The following KANK1 variants were observed in gnomAD, a reference collection of about 807,000 sequenced individuals.
KANK1 encodes the protein KN motif and ankyrin repeat domain-containing protein 1.
KANK1 carries 109 observed loss-of-function variants against 106.2 expected under a neutral mutation model. That is an observed-to-expected ratio of 1.03 (90% CI 0.88 to 1.20). KANK1 has a LOEUF of 1.20. KANK1 is among the 50% of genes most tolerant of loss of function. The probability of loss-of-function intolerance (pLI) is 0.00; values close to 1 mark genes in which losing one functional copy is unlikely to be tolerated. For missense variants in KANK1, 2,399 were observed against 1,710.7 expected (o/e 1.40, Z -7.10); for synonymous variants, 873 against 652.2 (o/e 1.34, Z -5.16).
rs75545693 is a variant in KANK1, at chr9:698,674, A to G, written c.38-12130A>G. Among the ~76,000 whole-genome samples the G allele has an allele frequency of 9.8e-3, 1,498 of 152,246 alleles. 31 individuals carry two copies. Among genetic ancestry groups the G allele is most frequent in the African/African-American group, 0.034 (1,409 of 41,524 alleles). ...AGATGCAGACAGTGTCAAAGTTCTC[A>G]TTGTGGAATACCACCAGAACTTATC... On this transcript the variant is annotated intron_variant, in intron 2 of 11. Coordinates refer to ENST00000382297, the MANE Select transcript of KANK1 (RefSeq NM_015158.5).
Position 745,291 on chromosome 9 carries a change from G to T in KANK1, c.*56G>T, listed in dbSNP as rs935474235. 1 of 1,604,570 alleles carries T rather than the reference G, an allele frequency of 6.2e-7. No individual in the cohort carries two copies. The highest frequency in any genetic ancestry group is 1.1e-5 in the South Asian group (1 of 90,820). On this transcript the variant is annotated 3_prime_UTR_variant, in exon 12 of 12. Coordinates refer to ENST00000382297, the MANE Select transcript of KANK1 (RefSeq NM_015158.5). ...CACTATTAAGCTGCTAATTGTTCCT[G>T]TTGGGGTGACAGATACTGAATGTAT...
chr9:500,091 G>C (rs1363777509), upstream of KANK1, among the ~76,000 whole-genome samples: 1 of 152,206 alleles, frequency 6.6e-6, no homozygotes, highest in African/African-American at 2.4e-5. Flanking sequence ...AGAAGGAAGG[G>C]TAGAGTGATC....
chr9:623,483 A>G (rs1167060463), intron 1 of KANK1, among the ~76,000 whole-genome samples: 1 of 151,996 alleles, frequency 6.6e-6, no homozygotes, highest in Admixed American at 6.6e-5. Context: ...TCAGTTACCC[A>G]TTAGACTGAG....
At chr9:648,679 G>A (rs951547142) in intron 1 of KANK1, among the ~76,000 whole-genome samples, 1 of 152,164 alleles carries the variant, frequency 6.6e-6, no homozygotes, top group Non-Finnish European at 1.5e-5. Context: ...CGCAGGCCAA[G>A]GGGAGCTCAC....
rs1435915008 is a variant in KANK1, at chr9:732,450, T to C, written c.3078T>C (p.Asp1026=). 1.9e-6 allele frequency: 3 copies of C among 1,614,146 alleles called. No homozygotes were observed. Among genetic ancestry groups the C allele is most frequent in the South Asian group, 1.1e-5 (1 of 91,074 alleles). ...SSSSESDDEC[D]VIEYPLEEEE... Reference sequence around the variant, plus strand: ...CTTCCGAGTCAGATGACGAGTGTGATGTCATTGAGTATCCTCTTGAAGAAG... The same window carrying C: ...CTTCCGAGTCAGATGACGAGTGTGACGTCATTGAGTATCCTCTTGAAGAAG... The change falls in exon 6 of 12, where the codon GAT becomes GAC. Residue 1026 remains aspartate (D), a synonymous_variant. Transcript: ENST00000382297.
chr9:599,519 AACTT>A (rs781648254), intron 1 of KANK1, among the ~76,000 whole-genome samples: 8 of 151,780 alleles, frequency 5.3e-5, no homozygotes, highest in Admixed American at 6.5e-5. Context: ...TCTAAATTTT[AACTT>A]ACTATTTTAC....
chr9:625,099 G>A (rs528855418), intron 1 of KANK1, among the ~76,000 whole-genome samples: 3 of 152,180 alleles, frequency 2.0e-5, no homozygotes, highest in South Asian at 2.1e-4. Context: ...AGTTAGCACC[G>A]TTAGCGTCCT....
chr9:618,850 C>T (rs1230287596), intron 1 of KANK1, among the ~76,000 whole-genome samples: 2 of 152,118 alleles, frequency 1.3e-5, no homozygotes, highest in Non-Finnish European at 2.9e-5. Flanking sequence ...TGTCTTGAGG[C>T]AAAATTGTCT....
intron 1 of KANK1, among the ~76,000 whole-genome samples, chr9:676,008 T>A (rs1328352961): frequency 6.6e-6 from 1 of 152,186 alleles, no homozygotes; most frequent in Non-Finnish European, 1.5e-5. Flanking sequence ...TGGGAATGTT[T>A]TTTAGCATGC....
chr9:720,174 A>C (rs1828921501), intron 3 of KANK1, among the ~76,000 whole-genome samples: 2 of 152,126 alleles, frequency 1.3e-5, no homozygotes, highest in Non-Finnish European at 2.9e-5. Context: ...ATTGGTGTTT[A>C]TGGCTGTTAT....
rs1308454927 is a variant in KANK1, at chr9:602,232, T to A, written c.-83-74658T>A. 3.3e-5 allele frequency among the ~76,000 whole-genome samples: 5 copies of A among 151,956 alleles called. No homozygotes were observed. The East Asian group carries it at 7.7e-4, about 23-fold the overall frequency. On this transcript the variant is annotated intron_variant, in intron 1 of 11. Transcript: ENST00000382297. ...ACTATTCCTGAGTTTCTGACTCTCA[T>A]TTTTAGCCCATTCCATTTTTATTTA...
intron 3 of KANK1, among the ~76,000 whole-genome samples, chr9:493,877 T>A (rs114776214): frequency 0.066 from 9,970 of 150,398 alleles, 406 homozygotes; most frequent in African/African-American, 0.1. Flanking sequence ...ATACTAATAG[T>A]TTACATACAT....
chr9:615,349 C>T (rs547564453), intron 1 of KANK1, among the ~76,000 whole-genome samples: 17 of 152,220 alleles, frequency 1.1e-4, no homozygotes, highest in African/African-American at 3.4e-4. Flanking sequence ...TCTTTTAGTC[C>T]ATCTGGCATC....
intron 3 of KANK1, among the ~76,000 whole-genome samples, chr9:716,472 A>C (rs116736164): frequency 6.6e-6 from 1 of 152,184 alleles, no homozygotes; most frequent in African/African-American, 2.4e-5. Context: ...CCCCTACCCA[A>C]TTATTATACC....
intron 1 of KANK1, among the ~76,000 whole-genome samples, chr9:633,925 A>G (rs1235742564): frequency 2.0e-5 from 3 of 152,252 alleles, no homozygotes; most frequent in East Asian, 1.9e-4. Context: ...TGCTGGGATT[A>G]TAGGCATGAG....
At chr9:728,057 C>G (rs753417512) in intron 3 of KANK1, among the ~76,000 whole-genome samples, 2 of 152,172 alleles carry the variant, frequency 1.3e-5, no homozygotes, top group Non-Finnish European at 2.9e-5. Context: ...GAGTGACAAA[C>G]AGACTCTTTA....
chr9:693,611 T>A, intron 2 of KANK1: 3 of 985,374 alleles, frequency 3.0e-6, no homozygotes, highest in Non-Finnish European at 3.6e-6. Context: ...TTAAACCCCG[T>A]GGCCAGCAGG....
Position 731,170 on chromosome 9 carries a change from A to G in KANK1, c.2909A>G (p.Asn970Ser). The change falls in exon 5 of 12, where the codon AAT becomes AGT. Residue 970 changes from asparagine (N) to serine (S), a missense_variant. Asn to Ser is a conservative substitution (Grantham distance 46). Transcript: ENST00000382297. ...GACTTTTTCACAGCATGTACAAACA[A>G]TGAAAGTACACTGAAGTCCATCATG... Reference protein sequence around the residue: ...IAAGLYACTNNESTLKSIMKK... With the variant: ...IAAGLYACTNSESTLKSIMKK... 2 of 1,604,036 alleles carry G rather than the reference A, an allele frequency of 1.2e-6. No individual in the cohort carries two copies. The highest frequency in any genetic ancestry group is 1.7e-6 in the Non-Finnish European group (2 of 1,171,720).
chr9:693,012 T>A (rs1365831294), intron 2 of KANK1, among the ~76,000 whole-genome samples: 1 of 147,374 alleles, frequency 6.8e-6, no homozygotes, highest in Non-Finnish European at 1.5e-5. Flanking sequence ...AAAAAAGAAC[T>A]TTTTTTTTTT....
Sources: allele counts gnomAD v4.1 joint callset (sites outside exome capture counted in the v4.1 genomes callset), GRCh38; gene constraint gnomAD v4.1.1; transcripts MANE v1.5; gene names NCBI Gene and HGNC (gene_info 2026-07-23, HGNC 2026-07-21).